TBC1D16: variants seen among roughly 807,000 people sequenced by gnomAD.
TBC1D16 encodes CTD-2529O21.1.
Under a neutral mutation model 74.7 loss-of-function variants are expected in TBC1D16, and 58 were observed. That is an observed-to-expected ratio of 0.78 (90% CI 0.63 to 0.97). TBC1D16 has a LOEUF of 0.97. TBC1D16 is among the 50% of genes least tolerant of loss of function. The pLI is 0.00. For missense variants in TBC1D16, 1,014 were observed against 1,079.5 expected (o/e 0.94, Z 0.85); for synonymous variants, 493 against 474.7 (o/e 1.04, Z -0.50).
Position 79,940,171 on chromosome 17 carries a change from T to C in TBC1D16, c.*688A>G, listed in dbSNP as rs1406814659. 1.3e-5 allele frequency: 2 copies of C among 152,190 alleles called. No homozygotes were observed. Among genetic ancestry groups the C allele is most frequent in the African/African-American group, 2.4e-5 (1 of 41,424 alleles). 9.4% of individuals were successfully genotyped at this position (152,190 alleles called of 1,614,324 possible). A position where few individuals can be genotyped will look rare whatever the true frequency, so the allele number is the denominator to read the frequency against. On this transcript the variant is annotated 3_prime_UTR_variant, in exon 12 of 12. Transcript: ENST00000310924. The surrounding 1 kb of genome is among the most constrained non-coding windows in gnomAD (Gnocchi z 5.4). ...TCCTGGGCAGACAGTTCCCTTCGTG[T>C]ACCAGGAGGACGAAATGTTTAAACG... is the stretch of plus-strand genomic sequence containing the variant.
intron 9 of TBC1D16, among the ~76,000 whole-genome samples, chr17:79,945,332 T>G (rs1332352972): frequency 6.6e-6 from 1 of 152,138 alleles, no homozygotes. Flanking sequence ...TGGTCCAGGG[T>G]GAGGCAGAGT....
intron 1 of TBC1D16, among the ~76,000 whole-genome samples, chr17:80,024,651 A>AGCACACACAC (rs2036478114): frequency 2.0e-5 from 3 of 147,032 alleles, no homozygotes; most frequent in Non-Finnish European, 3.0e-5. Flanking sequence ...CACACCATAG[A>AGCACACACAC]CATACACACC....
At chr17:79,951,299 G>A in intron 5 of TBC1D16, 151 bp downstream of exon 5, 1 of 882,094 alleles carries the variant, frequency 1.1e-6, no homozygotes, top group South Asian at 1.8e-5. Context: ...ACCCAAAGTT[G>A]CTGCTCTGAC....
At chr17:80,025,484 G>T (rs2036545756) in intron 1 of TBC1D16, among the ~76,000 whole-genome samples, 1 of 150,050 alleles carries the variant, frequency 6.7e-6, no homozygotes. Flanking sequence ...GGCTCTGAGG[G>T]CTGAATAAGG....
rs1016608932 is a variant in TBC1D16, at chr17:79,944,617, C to T, written c.1908+291G>A. 1.1e-4 allele frequency among the ~76,000 whole-genome samples: 16 copies of T among 152,084 alleles called. No individual in the cohort carries two copies. The highest frequency in any genetic ancestry group is 3.9e-4 in the African/African-American group (16 of 41,408). On this transcript the variant is annotated intron_variant, in intron 10 of 11. Coordinates refer to ENST00000310924, the MANE Select transcript of TBC1D16 (RefSeq NM_019020.4). This position sits in a 1 kb window ranked among gnomAD's most constrained non-coding sequence, Gnocchi z 7.7. ...CTGGGCTGCTGTGGCCTAGTGTAGGCCCCCCACAGTGTCACTCACACTGAT... is the reference window on the plus strand; with the variant it reads ...CTGGGCTGCTGTGGCCTAGTGTAGGTCCCCCACAGTGTCACTCACACTGAT...
At chr17:80,012,624 T>C (rs1368343773) in intron 2 of TBC1D16, among the ~76,000 whole-genome samples, 1 of 152,126 alleles carries the variant, frequency 6.6e-6, no homozygotes, top group Non-Finnish European at 1.5e-5. Context: ...TTGCCCAGGC[T>C]GGTCTCAAAC....
rs1405403737 is a variant in TBC1D16 at position 79,979,807 on chromosome 17, C to T, written c.780-26989G>A. ...TAGAGAACCAAGCAGAGACTGAGGC[C>T]AGAGAATAACCAAGTAGCAAGGAGG... On this transcript the variant is annotated intron_variant, in intron 3 of 11. Transcript: ENST00000310924. The surrounding 1 kb of genome is among the most constrained non-coding windows in gnomAD (Gnocchi z 4.8). 6.6e-6 allele frequency among the ~76,000 whole-genome samples: 1 copy of T among 151,796 alleles called. No homozygotes were observed. The highest frequency in any genetic ancestry group is 1.5e-5 in the Non-Finnish European group (1 of 67,960).
At chr17:79,964,879 C>T (rs894853432) in intron 3 of TBC1D16, among the ~76,000 whole-genome samples, 1 of 152,050 alleles carries the variant, frequency 6.6e-6, no homozygotes. Context: ...TAAAAATATA[C>T]TATCAATACT....
chr17:80,021,199 C>G (rs2036269862), intron 1 of TBC1D16, among the ~76,000 whole-genome samples: 1 of 148,918 alleles, frequency 6.7e-6, no homozygotes, highest in African/African-American at 2.6e-5. Context: ...TTGCAGTGAG[C>G]CGAGATCGTG....
At position 80,020,650 on chromosome 17, in the gene TBC1D16, G is replaced by A. The variant is rs1304964884; in HGVS notation, c.-62-7041C>T. On this transcript the variant is annotated intron_variant, in intron 1 of 11. Coordinates refer to ENST00000310924, the MANE Select transcript of TBC1D16 (RefSeq NM_019020.4). ...ACCCTCCATCTTCATAGAATCAGCC[G>A]CCATTGCTAGGCATCTGGCTTCCAA... Among the ~76,000 whole-genome samples the A allele has an allele frequency of 4.7e-5, 7 of 149,836 alleles. 1 individual carries two copies. Among genetic ancestry groups the A allele is most frequent in the Non-Finnish European group, 5.9e-5 (4 of 68,020 alleles).
Position 79,985,416 on chromosome 17 carries a change from A to G in TBC1D16, c.779+24744T>C, listed in dbSNP as rs2034795625. On this transcript the variant is annotated intron_variant, in intron 3 of 11. Transcript: ENST00000310924. This position sits in a 1 kb window ranked among gnomAD's most constrained non-coding sequence, Gnocchi z 4.9. Reference sequence around the variant, plus strand: ...AGTCACTATCCAGGCCACGGCAGACACAGTTCCCCGAAACTGAAGACGTGT... The same window carrying G: ...AGTCACTATCCAGGCCACGGCAGACGCAGTTCCCCGAAACTGAAGACGTGT... Among the ~76,000 whole-genome samples the G allele has an allele frequency of 6.6e-6, 1 of 152,218 alleles. No individual in the cohort carries two copies. The highest frequency in any genetic ancestry group is 1.5e-5 in the Non-Finnish European group (1 of 68,036).
chr17:79,942,341 C>A, intron 10 of TBC1D16, 135 bp from the exon 11 acceptor site: 1 of 954,030 alleles, frequency 1.0e-6, no homozygotes, highest in Non-Finnish European at 1.5e-6. Context: ...GCTCGGGGGC[C>A]GTGTGGCCCT....
At chr17:79,951,857 C>T (rs932267354) in intron 4 of TBC1D16, 11 of 379,098 alleles carry the variant, frequency 2.9e-5, no homozygotes, top group African/African-American at 1.9e-4. Flanking sequence ...GTGGCCTTCT[C>T]CCCACCACCC....
chr17:79,982,575 C>T (rs1282122038), intron 3 of TBC1D16, among the ~76,000 whole-genome samples: 6 of 150,188 alleles, frequency 4.0e-5, no homozygotes, highest in Admixed American at 3.3e-4. Flanking sequence ...TGAGGCTTGG[C>T]GTGGTGGTGG....
rs1009921328 is a variant in TBC1D16, at chr17:79,979,238, A to G, written c.780-26420T>C. On this transcript the variant is annotated intron_variant, in intron 3 of 11. Transcript: ENST00000310924. The surrounding 1 kb of genome is among the most constrained non-coding windows in gnomAD (Gnocchi z 4.8). ...GCTCCGGGGACGCACACCCACGCCT[A>G]GAGCACACACGCTCCGGGGATGCAC... Among the ~76,000 whole-genome samples the G allele has an allele frequency of 2.6e-5, 4 of 151,636 alleles. No individual in the cohort carries two copies. The highest frequency in any genetic ancestry group is 7.3e-5 in the African/African-American group (3 of 41,280).
In TBC1D16 at chr17:79,971,719, C is replaced by T. The variant is rs1454075042; in HGVS notation, c.780-18901G>A. Among the ~76,000 whole-genome samples, 1 of 152,184 alleles carries T rather than the reference C, an allele frequency of 6.6e-6. No homozygotes were observed. The highest frequency in any genetic ancestry group is 2.4e-5 in the African/African-American group (1 of 41,442). ...CCTGAGGAAGCTGGTGCCCGACCCA[C>T]CAGGAGACATGGACCTCATAGGAGG... On this transcript the variant is annotated intron_variant, in intron 3 of 11. Coordinates refer to ENST00000310924, the MANE Select transcript of TBC1D16 (RefSeq NM_019020.4). The surrounding 1 kb of genome is among the most constrained non-coding windows in gnomAD (Gnocchi z 4.6).
rs1375789939 is a variant in TBC1D16 at position 79,981,152 on chromosome 17, G to C, written c.780-28334C>G. Among the ~76,000 whole-genome samples, 1 of 152,172 alleles carries C rather than the reference G, an allele frequency of 6.6e-6. No homozygotes were observed. The highest frequency in any genetic ancestry group is 2.4e-5 in the African/African-American group (1 of 41,420). ...TGACGGAAGGACAGAACTTGTTTAG[G>C]CATCGTTTCCTCGCTCCCTCCTTAA... On this transcript the variant is annotated intron_variant, in intron 3 of 11. Transcript: ENST00000310924. The surrounding 1 kb of genome is among the most constrained non-coding windows in gnomAD (Gnocchi z 6.9).
intron 3 of TBC1D16, among the ~76,000 whole-genome samples, chr17:79,984,615 G>A (rs1041963098): frequency 2.0e-5 from 1 of 50,052 alleles, no homozygotes; most frequent in African/African-American, 7.6e-5. Flanking sequence ...GAGGGAGGGA[G>A]GGAGTGAAGG....
chr17:80,007,990 G>A lies in TBC1D16; in HGVS notation c.779+2170C>T, dbSNP rs2035741818. Among the ~76,000 whole-genome samples, 1 of 151,178 alleles carries A rather than the reference G, an allele frequency of 6.6e-6. No homozygotes were observed. The highest frequency in any genetic ancestry group is 2.4e-5 in the African/African-American group (1 of 41,100). ...ACAGCACGCCTGTCCGCTGCCCACT[G>A]ATGCCAATACATCCCCACCCTCAGT... On this transcript the variant is annotated intron_variant, in intron 3 of 11. Coordinates refer to ENST00000310924, the MANE Select transcript of TBC1D16 (RefSeq NM_019020.4). The surrounding 1 kb of genome is among the most constrained non-coding windows in gnomAD (Gnocchi z 4.5).
Sources: allele counts gnomAD v4.1 joint callset (sites outside exome capture counted in the v4.1 genomes callset), GRCh38; gene constraint gnomAD v4.1.1; non-coding constraint Gnocchi (gnomAD v3.1); transcripts MANE v1.5; gene names NCBI Gene and HGNC (gene_info 2026-07-23, HGNC 2026-07-21).